The following KLF7 variants were observed in gnomAD, a reference collection of about 807,000 sequenced individuals.
KLF7 encodes KLF transcription factor 7, also known as Krueppel-like factor 7.
Under a neutral mutation model 27.3 loss-of-function variants are expected in KLF7, and 2 were observed. The ratio of observed to expected loss-of-function variants is 0.07; its 90% confidence interval spans 0.03 to 0.23. The LOEUF (loss-of-function observed/expected upper bound fraction) is 0.23, where lower values mean the gene tolerates loss of function less well. Ranked by LOEUF, KLF7 falls within the 10% of genes least tolerant of loss-of-function variation. KLF7 has a pLI of 1.00. For missense variants in KLF7, 221 were observed against 394.1 expected, an observed-to-expected ratio of 0.56 and a Z score of 3.72; for synonymous variants, 165 against 162.4, an observed-to-expected ratio of 1.02 and a Z score of -0.12.
intron 2 of KLF7, among the ~76,000 whole-genome samples, chr2:207,117,701 C>T (rs2105963906): frequency 6.6e-6 from 1 of 152,304 alleles, no homozygotes; most frequent in South Asian, 2.1e-4. Flanking sequence ...TTTTATCCTG[C>T]TGATATGCCT....
At chr2:207,154,572 C>T (rs2078330513) in intron 1 of KLF7, among the ~76,000 whole-genome samples, 1 of 152,184 alleles carries the variant, frequency 6.6e-6, no homozygotes, top group Admixed American at 6.5e-5. Context: ...TGCCTTCCAT[C>T]ATTTATTGTC....
At chr2:207,125,231 G>C (rs1480158028) in intron 1 of KLF7, among the ~76,000 whole-genome samples, 2 of 152,118 alleles carry the variant, frequency 1.3e-5, no homozygotes, top group African/African-American at 4.8e-5. Flanking sequence ...CAGGGGAGAA[G>C]AACAAAAAAG....
chr2:207,160,083 T>A (rs1462644057), intron 1 of KLF7, among the ~76,000 whole-genome samples: 2 of 151,970 alleles, frequency 1.3e-5, no homozygotes, highest in African/African-American at 2.4e-5. Context: ...CAGAGAGGAG[T>A]GTTTTTTAAC....
rs144346352 is a variant in KLF7 at position 207,104,486 on chromosome 2, C to A, written c.734-15905G>T. The stretch of plus-strand genomic sequence containing the variant: ...CAATGGGTGATAGGGTTTTTTAAAT[C>A]CAAGTAAAATTAGCTGTTGGCTAGT... On this transcript the variant is annotated intron_variant, in intron 2 of 3. Coordinates refer to ENST00000309446, the MANE Select transcript of KLF7 (RefSeq NM_003709.4). Among the ~76,000 whole-genome samples the A allele has an allele frequency of 5.2e-3, 797 of 152,282 alleles. 14 individuals are homozygous for A. Among genetic ancestry groups the A allele is most frequent in the African/African-American group, 0.018 (745 of 41,554 alleles).
chr2:207,169,071 G>A (rs932229532), upstream of KLF7, among the ~76,000 whole-genome samples: 6 of 152,188 alleles, frequency 3.9e-5, no homozygotes, highest in South Asian at 4.1e-4. Flanking sequence ...GAGAGTGCAT[G>A]TAATTTGCTC....
chr2:207,117,562 G>A (rs529008935), intron 2 of KLF7, among the ~76,000 whole-genome samples: 1 of 152,200 alleles, frequency 6.6e-6, no homozygotes, highest in African/African-American at 2.4e-5. Context: ...GCATATTAAA[G>A]GCCCTTTAAT....
intron 1 of KLF7, among the ~76,000 whole-genome samples, chr2:207,138,679 C>T (rs1482216376): frequency 6.6e-6 from 1 of 152,176 alleles, no homozygotes; most frequent in African/African-American, 2.4e-5. Context: ...AATACAATTT[C>T]CTAGTGCCCT....
intron 2 of KLF7, among the ~76,000 whole-genome samples, chr2:207,101,945 T>C (rs1325396970): frequency 5.3e-5 from 8 of 152,196 alleles, no homozygotes; most frequent in Admixed American, 5.2e-4. Flanking sequence ...GCTGGACACA[T>C]GTCAAAGACC....
At position 207,165,641 on chromosome 2, in the gene KLF7, T is replaced by C; in HGVS notation, c.-73A>G. The C allele has an allele frequency of 6.2e-7, 1 of 1,603,544 alleles. No homozygotes were observed. Among genetic ancestry groups the C allele is most frequent in the Non-Finnish European group, 8.5e-7 (1 of 1,174,570 alleles). ...AGTTGGGGCTGTTTGTTTGTCAGTC[T>C]GTCTGGCTCACCCCCCAAGAAGGCA... On this transcript the variant is annotated 5_prime_UTR_variant, in exon 1 of 4. Transcript: ENST00000309446.
chr2:207,132,877 C>T (rs954628861), intron 1 of KLF7, among the ~76,000 whole-genome samples: 1 of 152,204 alleles, frequency 6.6e-6, no homozygotes, highest in Non-Finnish European at 1.5e-5. Context: ...TCAATGCGAC[C>T]ATTAGGGACA....
rs144217216 is a variant in KLF7, at chr2:207,139,432, C to T, written c.103-15028G>A. ...AACTGAGTTTTTCACTGTTCTGTAACCATACTACCAAAAAGACCAGAAACA... is the reference window on the plus strand; with the variant it reads ...AACTGAGTTTTTCACTGTTCTGTAATCATACTACCAAAAAGACCAGAAACA... On this transcript the variant is annotated intron_variant, in intron 1 of 3. Coordinates refer to ENST00000309446, the MANE Select transcript of KLF7 (RefSeq NM_003709.4). Among the ~76,000 whole-genome samples, 560 of 152,092 alleles carry T rather than the reference C, an allele frequency of 3.7e-3. 8 individuals carry two copies. Among genetic ancestry groups the T allele is most frequent in the Middle Eastern group, 0.017 (5 of 292 alleles).
At chr2:207,143,850 G>A (rs991564309) in intron 1 of KLF7, among the ~76,000 whole-genome samples, 1 of 152,140 alleles carries the variant, frequency 6.6e-6, no homozygotes, top group African/African-American at 2.4e-5. Flanking sequence ...CTTCAGGGCC[G>A]GAAAGAGAGT....
At chr2:207,171,288 T>G (rs1333382572), upstream of KLF7, among the ~76,000 whole-genome samples, 1 of 152,074 alleles carries the variant, frequency 6.6e-6, no homozygotes, top group East Asian at 1.9e-4. Context: ...GAGGAGTTGC[T>G]TCTTACGGAT....
At chr2:207,117,135 A>G (rs2077209277) in intron 2 of KLF7, among the ~76,000 whole-genome samples, 1 of 152,222 alleles carries the variant, frequency 6.6e-6, no homozygotes, top group African/African-American at 2.4e-5. Context: ...CATCTGGAAT[A>G]GGCGTCCCAC....
intron 3 of KLF7, among the ~76,000 whole-genome samples, chr2:207,086,665 T>C (rs955251754): frequency 6.6e-6 from 1 of 152,194 alleles, no homozygotes; most frequent in African/African-American, 2.4e-5. Context: ...AAAGACCAGA[T>C]TAAATCCAAA....
chr2:207,165,772 T>C lies in KLF7; in HGVS notation c.-204A>G, dbSNP rs1425176911. On this transcript the variant is annotated 5_prime_UTR_variant, in exon 1 of 4. Coordinates refer to ENST00000309446, the MANE Select transcript of KLF7 (RefSeq NM_003709.4). ...AGGAGGTGAGAGAGGAGCGAGTGAGTGGGGTGGATGGAGAGAGGCATCCAG... is the reference window on the plus strand; with the variant it reads ...AGGAGGTGAGAGAGGAGCGAGTGAGCGGGGTGGATGGAGAGAGGCATCCAG... The C allele has an allele frequency of 1.5e-5, 21 of 1,423,706 alleles. No individual in the cohort carries two copies. Among genetic ancestry groups the C allele is most frequent in the Non-Finnish European group, 1.9e-5 (21 of 1,095,640 alleles). 88.2% of individuals were successfully genotyped at this position (1,423,706 alleles called of 1,614,324 possible).
chr2:207,165,221 T>G (rs546729135), intron 1 of KLF7, among the ~76,000 whole-genome samples: 1 of 152,124 alleles, frequency 6.6e-6, no homozygotes, highest in South Asian at 2.1e-4. Context: ...CAGGGATGTG[T>G]GTTGGCGACT....
chr2:207,127,826 G>C (rs986544029), intron 1 of KLF7, among the ~76,000 whole-genome samples: 9 of 152,118 alleles, frequency 5.9e-5, no homozygotes, highest in East Asian at 3.9e-4. Flanking sequence ...CTGGGTGACA[G>C]AGCAAGATTC....
chr2:207,104,843 T>C (rs1017358093), intron 2 of KLF7, among the ~76,000 whole-genome samples: 2 of 152,260 alleles, frequency 1.3e-5, no homozygotes, highest in African/African-American at 4.8e-5. Context: ...ATGTTTCAAC[T>C]GGAAAGAATG....
Sources: gnomAD v4.1 joint callset for allele counts (sites outside exome capture counted in the v4.1 genomes callset) on GRCh38, gnomAD v4.1.1 for gene constraint, MANE v1.5 for transcripts, NCBI Gene and HGNC (gene_info 2026-07-23, HGNC 2026-07-21) for gene names.